Variants in ZDBF2 observed in about 807,000 individuals in gnomAD.
The protein encoded by ZDBF2 is DBF4-type zinc finger-containing protein 2.
Under a neutral mutation model 9.4 loss-of-function variants are expected in ZDBF2, and 6 were observed. The ratio of observed to expected loss-of-function variants is 0.64; its 90% confidence interval spans 0.35 to 1.27. The LOEUF is 1.27. ZDBF2 is among the 50% of genes most tolerant of loss of function. ZDBF2 has a pLI of 0.03. For missense variants in ZDBF2, 2,697 were observed against 2,766.8 expected, an observed-to-expected ratio of 0.97 and a Z score of 0.57; for synonymous variants, 905 against 946.3, an observed-to-expected ratio of 0.96 and a Z score of 0.80.
chr2:206,275,456 GA>G (rs3214784), intron 1 of ZDBF2, among the ~76,000 whole-genome samples: 17,199 of 152,256 alleles, frequency 0.11, 1,211 homozygotes, highest in East Asian at 0.16. Context: ...GAAAACGTTT[GA>G]TTTTTGTGTT....
At position 206,305,240 on chromosome 2, in the gene ZDBF2, C is replaced by T. The variant is rs763842014; in HGVS notation, c.712C>T (p.Pro238Ser). ...ACAGCCAGATGGGGCCTCTAGAAAT[C>T]CTGTGCCATCATCCCATGTAGAAAC... ...LEQPDGASRNPVPSSHVETTS... is the reference protein window; with the variant it reads ...LEQPDGASRNSVPSSHVETTS... The change falls in exon 5 of 5, where the codon CCT (proline) becomes TCT (serine). Residue 238 changes from proline (P) to serine (S), a missense_variant. By Grantham distance (74) the Pro-to-Ser change is moderately conservative. Coordinates refer to ENST00000374423, the MANE Select transcript of ZDBF2 (RefSeq NM_020923.3). 1.2e-6 allele frequency: 2 copies of T among 1,613,652 alleles called. No individual in the cohort carries two copies. Among genetic ancestry groups the T allele is most frequent in the East Asian group, 4.5e-5 (2 of 44,882 alleles).
Position 206,297,390 on chromosome 2 carries a change from G to C in ZDBF2, c.188+17G>C. The C allele has an allele frequency of 6.2e-7, 1 of 1,606,620 alleles. No individual in the cohort carries two copies. The highest frequency in any genetic ancestry group is 8.5e-7 in the Non-Finnish European group (1 of 1,176,116). On this transcript the variant is annotated intron_variant, in intron 4 of 4. Transcript: ENST00000374423. Reference sequence around the variant, plus strand: ...AGAGAGCAGGTAAAGTAGTTGATTGGAATAATATTTATACGTAGTTATATG... The same window carrying C: ...AGAGAGCAGGTAAAGTAGTTGATTGCAATAATATTTATACGTAGTTATATG...
chr2:206,303,004 C>G (rs1457760127), intron 4 of ZDBF2, among the ~76,000 whole-genome samples: 2 of 152,052 alleles, frequency 1.3e-5, no homozygotes, highest in East Asian at 3.8e-4. Context: ...CACAATTTCT[C>G]TATTATTAAC....
Position 206,308,142 on chromosome 2 carries a change from AC to A in ZDBF2, c.3617del (p.Pro1206LeufsTer9). The A allele has an allele frequency of 1.2e-6, 2 of 1,613,892 alleles. No homozygotes were observed. The highest frequency in any genetic ancestry group is 1.7e-6 in the Non-Finnish European group (2 of 1,179,824). On this transcript the variant is annotated frameshift_variant, in exon 5 of 5. Transcript: ENST00000374423. LOFTEE classifies it low-confidence loss of function (END_TRUNC). ...TCTGAAGTAAGTTTTGATTCTGATG[AC>A]CCTCTTCAGTCAGTGGCTGACCGGC... is the stretch of plus-strand genomic sequence containing the variant. ...CGSEVSFDSDDPLQSVADRLR... is the reference protein window; with the variant it reads ...CGSEVSFDSDXPLQSVADRLR...
chr2:206,299,812 AAAAAC>A (rs1692400076), intron 4 of ZDBF2, among the ~76,000 whole-genome samples: 1 of 151,744 alleles, frequency 6.6e-6, no homozygotes, highest in African/African-American at 2.4e-5. Context: ...CTCTAAAAAA[AAAAAC>A]AAGCCCCAAG....
chr2:206,308,347 G>C lies in ZDBF2; in HGVS notation c.3819G>C (p.Leu1273Phe). Residue 1273 changes from leucine (L) to phenylalanine (F), a missense_variant, in exon 5 of 5, where the codon TTG (leucine) becomes TTC (phenylalanine). By Grantham distance (22) the Leu-to-Phe change is conservative. Around this residue, in one of 3 missense-constraint regions of ZDBF2, gnomAD observed 1,783 missense variants for 1,776.5 expected, o/e 1.00. Coordinates refer to ENST00000374423, the MANE Select transcript of ZDBF2 (RefSeq NM_020923.3). Reference sequence around the variant, plus strand: ...GTCTTTGGAAAGAGCATGTTGACTTGGAAAATAAGATTGTCAAACCTACAG... The same window carrying C: ...GTCTTTGGAAAGAGCATGTTGACTTCGAAAATAAGATTGTCAAACCTACAG... ...EVSLWKEHVD[L>F]ENKIVKPTDS... 1 of 1,612,910 alleles carries C rather than the reference G, an allele frequency of 6.2e-7. No homozygotes were observed. The highest frequency in any genetic ancestry group is 8.5e-7 in the Non-Finnish European group (1 of 1,179,620).
intron 1 of ZDBF2, among the ~76,000 whole-genome samples, 154 bp from the exon 2 acceptor site, chr2:206,279,386 T>C (rs1691194751): frequency 6.6e-6 from 1 of 152,204 alleles, no homozygotes; most frequent in African/African-American, 2.4e-5. Flanking sequence ...CAGTGAGTCA[T>C]AGTATGTAAA....
chr2:206,297,183 T>G (rs938578990), intron 3 of ZDBF2, 63 bp from the exon 4 acceptor site: 1 of 640,338 alleles, frequency 1.6e-6, no homozygotes, highest in African/African-American at 1.9e-5. Flanking sequence ...GAATCCATTT[T>G]GTCGAACTCT....
At position 206,305,633 on chromosome 2, in the gene ZDBF2, A is replaced by G. The variant is rs1692742692; in HGVS notation, c.1105A>G (p.Ile369Val). Reference sequence around the variant, plus strand: ...GAGTTCTGAAATGAAGTTTGATTGTATCTCTCTTCAGTCAGCATCTGATCA... The same window carrying G: ...GAGTTCTGAAATGAAGTTTGATTGTGTCTCTCTTCAGTCAGCATCTGATCA... Reference protein sequence around the residue: ...SVSSEMKFDCISLQSASDQPQ... With the variant: ...SVSSEMKFDCVSLQSASDQPQ... Residue 369 changes from isoleucine (I) to valine (V), a missense_variant, in exon 5 of 5, where the codon ATC (isoleucine) becomes GTC (valine). This residue lies in a region of ZDBF2 where 910 missense variants were observed against 973.6 expected (regional missense o/e 0.93). Coordinates refer to ENST00000374423, the MANE Select transcript of ZDBF2 (RefSeq NM_020923.3). 1 of 1,613,646 alleles carries G rather than the reference A, an allele frequency of 6.2e-7. No individual in the cohort carries two copies. The highest frequency in any genetic ancestry group is 1.1e-5 in the South Asian group (1 of 91,072).
chr2:206,278,239 CA>C (rs1691132402), intron 1 of ZDBF2, among the ~76,000 whole-genome samples: 4 of 151,976 alleles, frequency 2.6e-5, no homozygotes. Context: ...TAATAAAAGT[CA>C]TTTTTTAAAG....
chr2:206,281,778 CCA>C (rs1156976470), intron 2 of ZDBF2, 21 bp from the exon 3 acceptor site: 5 of 1,422,434 alleles, frequency 3.5e-6, no homozygotes, highest in Non-Finnish European at 4.9e-6. Context: ...ATGATTTTTA[CCA>C]TTTTTCTTTT....
intron 3 of ZDBF2, among the ~76,000 whole-genome samples, chr2:206,285,257 A>C (rs141996903): frequency 6.6e-6 from 1 of 152,312 alleles, no homozygotes; most frequent in East Asian, 1.9e-4. Flanking sequence ...AATAATTTGT[A>C]TTCCCACCAA....
chr2:206,275,246 C>A (rs1178109539), intron 1 of ZDBF2, among the ~76,000 whole-genome samples: 2 of 152,058 alleles, frequency 1.3e-5, no homozygotes, highest in African/African-American at 4.8e-5. Flanking sequence ...CGGACGAGGC[C>A]TCGGGTCCGG....
chr2:206,305,818 T>A lies in ZDBF2; in HGVS notation c.1290T>A (p.Leu430=), dbSNP rs757162734. The A allele has an allele frequency of 3.7e-6, 6 of 1,613,574 alleles. No individual in the cohort carries two copies. Among genetic ancestry groups the A allele is most frequent in the Non-Finnish European group, 5.1e-6 (6 of 1,179,764 alleles). The stretch of plus-strand genomic sequence containing the variant: ...AAGTGAGTGCCAAAGAAGTAAACCT[T>A]TCCAAGGAAGTACGTACTGATGTAC... ...QSKVSAKEVN[L]SKEVRTDVQY... is the part of the protein sequence containing the mutation. The change falls in exon 5 of 5, where the codon CTT becomes CTA. Residue 430 remains leucine (L), a synonymous_variant. Coordinates refer to ENST00000374423, the MANE Select transcript of ZDBF2 (RefSeq NM_020923.3).
intron 4 of ZDBF2, among the ~76,000 whole-genome samples, chr2:206,299,368 A>G (rs188236610): frequency 3.4e-4 from 52 of 152,186 alleles, no homozygotes; most frequent in African/African-American, 1.2e-3. Flanking sequence ...CTCAAATATT[A>G]AATCCAAAAT....
rs769457560 is a variant in ZDBF2 at position 206,305,419 on chromosome 2, C to T, written c.891C>T (p.Ser297=). The T allele has an allele frequency of 6.2e-7, 1 of 1,613,438 alleles. No individual in the cohort carries two copies. The highest frequency in any genetic ancestry group is 8.5e-7 in the Non-Finnish European group (1 of 1,179,726). The change falls in exon 5 of 5, where the codon TCC becomes TCT. Residue 297 remains serine (S), a synonymous_variant. Coordinates refer to ENST00000374423, the MANE Select transcript of ZDBF2 (RefSeq NM_020923.3). The stretch of plus-strand genomic sequence containing the variant: ...ATGAACGCATGGGTACTAAGGGCTC[C>T]TTAAGAGTTAAATCTCCTTCCAAAT... ...KFHERMGTKG[S]LRVKSPSKLA... is the part of the protein sequence containing the mutation.
chr2:206,299,144 G>C (rs956375283), intron 4 of ZDBF2, among the ~76,000 whole-genome samples: 1 of 152,028 alleles, frequency 6.6e-6, no homozygotes, highest in Non-Finnish European at 1.5e-5. Flanking sequence ...CCCTCCCAAA[G>C]TGCTGGGATT....
At chr2:206,295,343 C>CT (rs137979596) in intron 3 of ZDBF2, among the ~76,000 whole-genome samples, 5 of 143,492 alleles carry the variant, frequency 3.5e-5, no homozygotes, top group African/African-American at 5.1e-5. Context: ...TACTCTAATT[C>CT]TTTTTTTTTC....
intron 3 of ZDBF2, among the ~76,000 whole-genome samples, chr2:206,289,882 A>T (rs143500238): frequency 8.0e-4 from 121 of 152,112 alleles, no homozygotes; most frequent in African/African-American, 2.8e-3. Context: ...AGCTGATCCC[A>T]GTTGGGAATG....
Sources: allele counts gnomAD v4.1 joint callset (sites outside exome capture counted in the v4.1 genomes callset), GRCh38; gene constraint gnomAD v4.1.1; regional missense constraint gnomAD v4.1.1; transcripts MANE v1.5; gene names NCBI Gene and HGNC (gene_info 2026-07-23, HGNC 2026-07-21).